GRAMD1B: variants seen among roughly 807,000 people sequenced by gnomAD.
GRAMD1B encodes GRAM domain containing 1B, also known as protein Aster-B.
In GRAMD1B, 37 loss-of-function variants were observed where a neutral mutation model predicts 99.7. The observed-to-expected ratio is 0.37, with a 90% CI of 0.29 to 0.49. The LOEUF is 0.49. Among genes scored for constraint, GRAMD1B ranks in the 20% least tolerant of loss-of-function variants. GRAMD1B has a pLI of 0.98. For missense variants in GRAMD1B, 888 were observed against 1,009.2 expected (o/e 0.88, Z 1.63); for synonymous variants, 427 against 387.6 (o/e 1.10, Z -1.19).
chr11:123,389,817 C>T (rs888599547), intron 1 of GRAMD1B, among the ~76,000 whole-genome samples: 7 of 152,102 alleles, frequency 4.6e-5, no homozygotes, highest in African/African-American at 1.7e-4. Context: ...ACAATCTGGG[C>T]TCACTGCAAC....
chr11:123,583,201 TAC>T (rs1331104956), intron 3 of GRAMD1B, among the ~76,000 whole-genome samples: 1 of 151,886 alleles, frequency 6.6e-6, no homozygotes, highest in Non-Finnish European at 1.5e-5. Flanking sequence ...TATGTGTGTG[TAC>T]GTGTATTCGT....
rs1950641655 is a variant in GRAMD1B at position 123,591,514 on chromosome 11, C to T, written c.685-2568C>T. Reference sequence around the variant, plus strand: ...CACCTGCTGCCGCTGAACACCGTTGCTGGCACGGATCTGAGGAAATCCCAG... The same window carrying T: ...CACCTGCTGCCGCTGAACACCGTTGTTGGCACGGATCTGAGGAAATCCCAG... On this transcript the variant is annotated intron_variant, in intron 4 of 19. Transcript: ENST00000635736. The surrounding 1 kb of genome is among the most constrained non-coding windows in gnomAD (Gnocchi z 4.7). The T allele has an allele frequency of 2.5e-6, 1 of 398,910 alleles. No individual in the cohort carries two copies. Among genetic ancestry groups the T allele is most frequent in the Non-Finnish European group, 4.4e-6 (1 of 226,088 alleles). The allele number at this position is 398,910 out of a possible 1,614,324, so 24.7% of individuals were successfully genotyped here.
chr11:123,362,678 T>C (rs1258189352), intron 1 of GRAMD1B, among the ~76,000 whole-genome samples: 1 of 152,192 alleles, frequency 6.6e-6, no homozygotes, highest in African/African-American at 2.4e-5. Flanking sequence ...AGGCCATCTT[T>C]GCAGCTCATC....
At chr11:123,374,143 G>T (rs1232500773) in intron 1 of GRAMD1B, among the ~76,000 whole-genome samples, 1 of 152,178 alleles carries the variant, frequency 6.6e-6, no homozygotes, top group African/African-American at 2.4e-5. Flanking sequence ...TATAAATGAT[G>T]TGTTTGTAGT....
Position 123,431,064 on chromosome 11 carries a change from C to G in GRAMD1B, c.272C>G (p.Pro91Arg), listed in dbSNP as rs1453213746. Reference protein sequence around the residue: ...EITPSSDEDTPWSNCSTPSAS... With the variant: ...EITPSSDEDTRWSNCSTPSAS... ...ACGCCCTCCAGCGACGAGGACACCC[C>G]GTGGTCCAACTGCTCCACACCCAGC... Residue 91 changes from proline to arginine, a missense_variant, in exon 1 of 20, where the codon CCG (proline) becomes CGG (arginine). By Grantham distance (103) the Pro-to-Arg change is moderately radical. Transcript: ENST00000635736. The G allele has an allele frequency of 1.0e-5, 7 of 702,922 alleles. No homozygotes were observed. Among genetic ancestry groups the G allele is most frequent in the East Asian group, 2.7e-5 (1 of 37,288 alleles). 43.5% of individuals were successfully genotyped at this position (702,922 alleles called of 1,614,324 possible).
At chr11:123,364,698 C>G (rs1356199814) in intron 1 of GRAMD1B, among the ~76,000 whole-genome samples, 2 of 152,148 alleles carry the variant, frequency 1.3e-5, no homozygotes, top group Non-Finnish European at 1.5e-5. Flanking sequence ...TTTCAGGTCT[C>G]TCTGCTCAGC....
At chr11:123,525,532 C>G (rs978155892) in intron 2 of GRAMD1B, 14 of 152,808 alleles carry the variant, frequency 9.2e-5, no homozygotes, top group African/African-American at 3.4e-4. Context: ...CCTCACGCAC[C>G]CTCTCCCTGA....
chr11:123,367,447 A>G (rs1440612778), intron 1 of GRAMD1B, among the ~76,000 whole-genome samples: 1 of 152,172 alleles, frequency 6.6e-6, no homozygotes, highest in Non-Finnish European at 1.5e-5. Flanking sequence ...GTTATATTTG[A>G]GCTGGGTTCT....
At chr11:123,450,415 A>G (rs911303549) in intron 1 of GRAMD1B, among the ~76,000 whole-genome samples, 1 of 152,158 alleles carries the variant, frequency 6.6e-6, no homozygotes, top group Non-Finnish European at 1.5e-5. Flanking sequence ...AACATACACT[A>G]CATGCCAGAT....
chr11:123,359,878 A>G (rs1406108523), intron 1 of GRAMD1B, among the ~76,000 whole-genome samples: 1 of 152,240 alleles, frequency 6.6e-6, no homozygotes, highest in Non-Finnish European at 1.5e-5. Context: ...CTCCTCTGCC[A>G]ACGCCTACAT....
intron 1 of GRAMD1B, chr11:123,381,369 A>G (rs779440006): frequency 6.5e-6 from 1 of 154,228 alleles, no homozygotes; most frequent in Non-Finnish European, 1.5e-5. Flanking sequence ...AATTCTCCCT[A>G]TTGCGTCATG....
In GRAMD1B at chr11:123,577,543, C is replaced by T. The variant is rs1948851200; in HGVS notation, c.629C>T (p.Ser210Phe). 3 of 1,594,790 alleles carry T rather than the reference C, an allele frequency of 1.9e-6. No individual in the cohort carries two copies. The South Asian group carries it at 3.4e-5, about 18-fold the overall frequency. The change falls in exon 3 of 20, where the codon TCC (serine) becomes TTC (phenylalanine). Residue 210 changes from serine to phenylalanine, a missense_variant. Around this residue, in one of 5 missense-constraint regions of GRAMD1B, gnomAD observed 233 missense variants for 154.6 expected, o/e 1.51. Coordinates refer to ENST00000635736, the MANE Select transcript of GRAMD1B (RefSeq NM_001387025.1). ...PEQGVQRSCS[S>F]QSGRSGGKNS... ...CAGGGCGTGCAGCGCAGCTGCTCCT[C>T]CCAGTCCGGCCGGAGCGGCGGCAAG... is the stretch of plus-strand genomic sequence containing the variant.
At chr11:123,457,067 G>C (rs1219572531) in intron 1 of GRAMD1B, among the ~76,000 whole-genome samples, 1 of 123,122 alleles carries the variant, frequency 8.1e-6, no homozygotes. Flanking sequence ...AGCTGTGATG[G>C]CACCACTGCA....
chr11:123,513,609 C>CTTTCTTTCTTT lies in GRAMD1B; in HGVS notation c.452+32716_452+32717insTTTCTTTCTTT, dbSNP rs1206527809. On this transcript the variant is annotated intron_variant, in intron 2 of 19. Coordinates refer to ENST00000635736, the MANE Select transcript of GRAMD1B (RefSeq NM_001387025.1). ...TCCTTCCTTCCTTCCTTCCTTCCTT[C>CTTTCTTTCTTT]CTTCCTTCCTTTCTTTCTTTCTTTC... Among the ~76,000 whole-genome samples the CTTTCTTTCTTT allele has an allele frequency of 6.4e-3, 231 of 35,906 alleles. 1 individual carries two copies. The highest frequency in any genetic ancestry group is 0.024 in the East Asian group (41 of 1,726). The allele number at this position is 35,906 out of a possible 152,430, so 23.6% of individuals were successfully genotyped here.
chr11:123,607,620 A>G (rs1952911366), intron 11 of GRAMD1B, among the ~76,000 whole-genome samples: 1 of 152,220 alleles, frequency 6.6e-6, no homozygotes, highest in African/African-American at 2.4e-5. Context: ...TGCCTTTCAC[A>G]TAAACTAAGG....
At chr11:123,532,007 G>A (rs1943439566) in intron 2 of GRAMD1B, among the ~76,000 whole-genome samples, 1 of 152,122 alleles carries the variant, frequency 6.6e-6, no homozygotes, top group African/African-American at 2.4e-5. Context: ...AAAGTGCTGG[G>A]ATTACAGGCG....
intron 2 of GRAMD1B, among the ~76,000 whole-genome samples, chr11:123,508,331 C>A (rs144351806): frequency 5.1e-4 from 78 of 152,256 alleles, no homozygotes; most frequent in Admixed American, 1.6e-3. Context: ...TGATAACTAA[C>A]TTATTTTCAG....
At chr11:123,441,359 C>G (rs534775549) in intron 1 of GRAMD1B, among the ~76,000 whole-genome samples, 1 of 152,090 alleles carries the variant, frequency 6.6e-6, no homozygotes, top group Non-Finnish European at 1.5e-5. Flanking sequence ...GCATGCAGGC[C>G]GGGTGTGGTG....
At position 123,598,414 on chromosome 11, in the gene GRAMD1B, G is replaced by A. The variant is rs183413818; in HGVS notation, c.970-2054G>A. On this transcript the variant is annotated intron_variant, in intron 7 of 19. Transcript: ENST00000635736. ...TCTTCTCCTGTCCTTGCTTGCTCGCGTTGTACATTTTCATGAGTGAGATGT... is the reference window on the plus strand; with the variant it reads ...TCTTCTCCTGTCCTTGCTTGCTCGCATTGTACATTTTCATGAGTGAGATGT... 173 of 944,634 alleles carry A rather than the reference G, an allele frequency of 1.8e-4. 2 individuals are homozygous for A. In the African/African-American group the frequency reaches 2.3e-3, roughly 12 times the overall value. 58.5% of individuals were successfully genotyped at this position (944,634 alleles called of 1,614,324 possible).
Sources: allele counts gnomAD v4.1 joint callset (sites outside exome capture counted in the v4.1 genomes callset), GRCh38; gene constraint gnomAD v4.1.1; regional missense constraint gnomAD v4.1.1; non-coding constraint Gnocchi (gnomAD v3.1); transcripts MANE v1.5; gene names NCBI Gene and HGNC (gene_info 2026-07-23, HGNC 2026-07-21).